The following SYCP2 variants were observed in gnomAD, a reference collection of about 807,000 sequenced individuals.
SYCP2 encodes synaptonemal complex protein 2, also known as synaptonemal complex lateral element protein.
In SYCP2, 55 loss-of-function variants were observed where a neutral mutation model predicts 211.3. The ratio of observed to expected loss-of-function variants is 0.26; its 90% confidence interval spans 0.21 to 0.33. SYCP2 has a LOEUF of 0.33. SYCP2 is among the 10% of genes least tolerant of loss of function. The probability of loss-of-function intolerance (pLI) is 1.00; values close to 1 mark genes in which losing one functional copy is unlikely to be tolerated. For synonymous variants in SYCP2, 570 were observed against 555.2 expected (o/e 1.03, Z -0.37); for missense variants, 1,731 against 1,752.0 (o/e 0.99, Z 0.21).
At chr20:59,930,971 T>C (rs568927286) in intron 2 of SYCP2, among the ~76,000 whole-genome samples, 2 of 152,348 alleles carry the variant, frequency 1.3e-5, no homozygotes, top group Admixed American at 1.3e-4. Flanking sequence ...GTCTTCATTA[T>C]AACATGATTT....
intron 20 of SYCP2, among the ~76,000 whole-genome samples, chr20:59,895,100 C>T (rs2059981602): frequency 6.6e-6 from 1 of 152,068 alleles, no homozygotes; most frequent in South Asian, 2.1e-4. Flanking sequence ...AACTTAAGGA[C>T]ACAGTCCACT....
intron 25 of SYCP2, 148 bp downstream of exon 25, chr20:59,886,559 T>A (rs1451473708): frequency 2.0e-6 from 1 of 512,226 alleles, no homozygotes; most frequent in African/African-American, 2.0e-5. Context: ...TTTAAACACC[T>A]ACTATTTATA....
Position 59,881,016 on chromosome 20 carries a change from G to GACC in SYCP2, c.2719_2721dup (p.Gly907dup), listed in dbSNP as rs1568924251. On this transcript the variant is annotated inframe_insertion, in exon 30 of 45. Coordinates refer to ENST00000357552, the MANE Select transcript of SYCP2 (RefSeq NM_014258.4). ...GATTTAAGTTCATCATGATTCCTTG[G>GACC]ACCTACCCTTAAACAAAAATATGTA... is the stretch of plus-strand genomic sequence containing the variant. The GACC allele has an allele frequency of 6.7e-7, 1 of 1,494,746 alleles. No homozygotes were observed. The allele number at this position is 1,494,746 out of a possible 1,614,324, so 92.6% of individuals were successfully genotyped here.
In SYCP2 at chr20:59,877,588, A is replaced by G. The variant is rs190939176; in HGVS notation, c.2980-33T>C. Reference sequence around the variant, plus strand: ...AGAAAAATTCCTGAATATTAGATCAATATTTGAGGTACAAGAAATACAAGC... The same window carrying G: ...AGAAAAATTCCTGAATATTAGATCAGTATTTGAGGTACAAGAAATACAAGC... On this transcript the variant is annotated intron_variant, in intron 32 of 44. Transcript: ENST00000357552. The G allele has an allele frequency of 3.9e-4, 600 of 1,539,554 alleles. 5 individuals carry two copies. In the East Asian group the frequency reaches 0.013, roughly 34 times the overall value.
At chr20:59,868,204 G>C (rs1290303393) in intron 38 of SYCP2, among the ~76,000 whole-genome samples, 1 of 151,746 alleles carries the variant, frequency 6.6e-6, no homozygotes, top group African/African-American at 2.4e-5. Flanking sequence ...GTGATAGTAA[G>C]TGACAGAATG....
chr20:59,882,730 A>T (rs1186569627), intron 26 of SYCP2, among the ~76,000 whole-genome samples: 1 of 152,120 alleles, frequency 6.6e-6, no homozygotes, highest in Non-Finnish European at 1.5e-5. Context: ...TAAAAAAGTG[A>T]ATCTTATGGA....
At chr20:59,887,868 A>C (rs768643234) in intron 24 of SYCP2, among the ~76,000 whole-genome samples, 2 of 152,046 alleles carry the variant, frequency 1.3e-5, no homozygotes, top group Non-Finnish European at 2.9e-5. Flanking sequence ...GATCACATAG[A>C]CATAAAAATA....
chr20:59,902,753 GAAGGTACTAAGAATTAACAATTGCTTGA>G (rs1317587755), intron 15 of SYCP2, among the ~76,000 whole-genome samples: 1 of 152,124 alleles, frequency 6.6e-6, no homozygotes, highest in African/African-American at 2.4e-5. Flanking sequence ...AATGACCTTT[GAAGGTACTAAGAATTAACAATTGCTTGA>G]AAGTGGTAAC....
chr20:59,920,030 C>CA (rs1281823963), intron 5 of SYCP2, among the ~76,000 whole-genome samples: 1 of 151,378 alleles, frequency 6.6e-6, no homozygotes, highest in Non-Finnish European at 1.5e-5. Flanking sequence ...ACCAAAGAGA[C>CA]AAAAATCAAT....
chr20:59,891,892 T>C, intron 24 of SYCP2, 98 bp downstream of exon 24: 3 of 1,054,920 alleles, frequency 2.8e-6, no homozygotes, highest in South Asian at 1.7e-5. Context: ...GTATTACACA[T>C]GTTAAATGTG....
In SYCP2 at chr20:59,867,863, A is replaced by G; in HGVS notation, c.3989-16T>C. On this transcript the variant is annotated splice_polypyrimidine_tract_variant and intron_variant, in intron 38 of 44. Transcript: ENST00000357552. The stretch of plus-strand genomic sequence containing the variant: ...CTTTCAGACACTAAAAAATGAAAAC[A>G]ATCTGCTGAAGTTAAAATATGCATT... 1 of 1,583,138 alleles carries G rather than the reference A, an allele frequency of 6.3e-7. No individual in the cohort carries two copies. Among genetic ancestry groups the G allele is most frequent in the Non-Finnish European group, 8.6e-7 (1 of 1,160,160 alleles).
intron 7 of SYCP2, among the ~76,000 whole-genome samples, chr20:59,917,620 T>C (rs1401768870): frequency 1.3e-5 from 2 of 152,188 alleles, no homozygotes; most frequent in African/African-American, 4.8e-5. Flanking sequence ...GGATTAATTA[T>C]TATTTAAATC....
chr20:59,918,914 T>A (rs572694478), intron 7 of SYCP2, among the ~76,000 whole-genome samples: 1 of 152,116 alleles, frequency 6.6e-6, no homozygotes, highest in Non-Finnish European at 1.5e-5. Flanking sequence ...CAATAAATTA[T>A]TCATAGAAAT....
At chr20:59,910,374 ATTTTTTTTTTTT>A (rs898302276) in intron 14 of SYCP2, among the ~76,000 whole-genome samples, 1 of 76,262 alleles carries the variant, frequency 1.3e-5, no homozygotes, top group Admixed American at 1.6e-4. Context: ...GTAATTGCTT[ATTTTTTTTTTTT>A]TTTTTTTTTT....
At chr20:59,888,495 T>C (rs1444571784) in intron 24 of SYCP2, among the ~76,000 whole-genome samples, 2 of 151,994 alleles carry the variant, frequency 1.3e-5, no homozygotes, top group African/African-American at 2.4e-5. Context: ...AATGGAAACT[T>C]TCTCAGCTTG....
In SYCP2 at chr20:59,881,691, G is replaced by A. The variant is rs972865817; in HGVS notation, c.2659-199C>T. On this transcript the variant is annotated intron_variant, in intron 28 of 44. Transcript: ENST00000357552. ...GTTTTTTTTTTCATCAATAAGAAAGGTGATTTTCTTGGTAGTGAAGGCTTT... is the reference window on the plus strand; with the variant it reads ...GTTTTTTTTTTCATCAATAAGAAAGATGATTTTCTTGGTAGTGAAGGCTTT... Among the ~76,000 whole-genome samples, 57 of 148,660 alleles carry A rather than the reference G, an allele frequency of 3.8e-4. 1 individual carries two copies. Among genetic ancestry groups the A allele is most frequent in the Non-Finnish European group, 3.9e-4 (26 of 67,272 alleles).
At chr20:59,897,460 A>C (rs1310843758) in intron 18 of SYCP2, among the ~76,000 whole-genome samples, 2 of 152,202 alleles carry the variant, frequency 1.3e-5, no homozygotes, top group African/African-American at 4.8e-5. Flanking sequence ...AACAGAGCAC[A>C]GGTATTTAAC....
intron 18 of SYCP2, 68 bp downstream of exon 18, chr20:59,900,070 G>A (rs1412142051): frequency 2.7e-6 from 4 of 1,472,382 alleles, no homozygotes; most frequent in Non-Finnish European, 3.8e-6. Flanking sequence ...GCTTCTTTCA[G>A]TACTCATATA....
chr20:59,898,745 AAAAGG>A, intron 18 of SYCP2, among the ~76,000 whole-genome samples: 1 of 152,164 alleles, frequency 6.6e-6, no homozygotes, highest in South Asian at 2.1e-4. Context: ...AAATGTTTTA[AAAAGG>A]AAAGCAAAAA....
Sources: gnomAD v4.1 joint callset for allele counts (sites outside exome capture counted in the v4.1 genomes callset) on GRCh38, gnomAD v4.1.1 for gene constraint, MANE v1.5 for transcripts, NCBI Gene and HGNC (gene_info 2026-07-23, HGNC 2026-07-21) for gene names.